The following GBP2 variants were observed in gnomAD, a reference collection of about 807,000 sequenced individuals.
The protein encoded by GBP2 is guanylate binding protein 2, also known as guanylate-binding protein 2.
In GBP2, 54 loss-of-function variants were observed where a neutral mutation model predicts 60.8. That is an observed-to-expected ratio of 0.89 (90% CI 0.71 to 1.11). GBP2 has a LOEUF of 1.11. Ranked by LOEUF, GBP2 falls within the 50% of genes most tolerant of loss-of-function variation. GBP2 has a pLI of 0.00. For synonymous variants in GBP2, 243 were observed against 256.5 expected, an observed-to-expected ratio of 0.95 and a Z score of 0.50; for missense variants, 665 against 703.3, an observed-to-expected ratio of 0.95 and a Z score of 0.62.
intron 8 of GBP2, among the ~76,000 whole-genome samples, chr1:89,111,543 C>T (rs1681165423): frequency 6.7e-6 from 1 of 148,234 alleles, no homozygotes; most frequent in South Asian, 2.1e-4. Context: ...TGCATGTTCT[C>T]ACTTATTTGT....
intron 7 of GBP2, 103 bp from the exon 8 acceptor site, chr1:89,112,787 C>T: frequency 1.2e-6 from 1 of 818,654 alleles, no homozygotes; most frequent in Non-Finnish European, 2.0e-6. Context: ...TTGTGGCCCT[C>T]TAAATAGGGC....
chr1:89,119,985 A>G, intron 4 of GBP2, 194 bp downstream of exon 4: 1 of 554,870 alleles, frequency 1.8e-6, no homozygotes, highest in African/African-American at 1.9e-5. Flanking sequence ...TGAGTATCTA[A>G]CGAGACATGT....
At position 89,112,437 on chromosome 1, in the gene GBP2, G is replaced by A. The variant is rs766287886; in HGVS notation, c.1362+35C>T. On this transcript the variant is annotated intron_variant, in intron 8 of 10. Transcript: ENST00000370466. Reference sequence around the variant, plus strand: ...TGGGCTTTAAAAGCATCCCCTCAGCGAGTCCCAAGAAATGGTACCCACCGT... The same window carrying A: ...TGGGCTTTAAAAGCATCCCCTCAGCAAGTCCCAAGAAATGGTACCCACCGT... 83 of 1,578,440 alleles carry A rather than the reference G, an allele frequency of 5.3e-5. No individual in the cohort carries two copies. The South Asian group carries it at 7.0e-4, about 13-fold the overall frequency.
At position 89,110,257 on chromosome 1, in the gene GBP2, C is replaced by T; in HGVS notation, c.1372G>A (p.Val458Met). ...VPRKGIQAKEVLKKYLESKED... is the reference protein window; with the variant it reads ...VPRKGIQAKEMLKKYLESKED... The stretch of plus-strand genomic sequence containing the variant: ...TTGGACTCCAAATATTTTTTCAGCA[C>T]CTCTTTGGCCTGGTTATACAGAGAA... Residue 458 changes from valine (V) to methionine (M), a missense_variant, in exon 9 of 11, where the codon GTG becomes ATG. Physicochemically the swap from Val to Met is conservative, Grantham distance 21. Transcript: ENST00000370466. The T allele has an allele frequency of 1.9e-6, 3 of 1,612,580 alleles. No individual in the cohort carries two copies. The highest frequency in any genetic ancestry group is 2.5e-6 in the Non-Finnish European group (3 of 1,178,854).
At position 89,107,835 on chromosome 1, in the gene GBP2, A is replaced by C. The variant is rs1052035746; in HGVS notation, c.*340T>G. On this transcript the variant is annotated 3_prime_UTR_variant, in exon 11 of 11. Coordinates refer to ENST00000370466, the MANE Select transcript of GBP2 (RefSeq NM_004120.5). ...AAGGGTGGTGCATATGAGAGAAAAA[A>C]ATCTACCCAGAACAGAAACTGCAAG... Among the ~76,000 whole-genome samples, 1 of 152,204 alleles carries C rather than the reference A, an allele frequency of 6.6e-6. No individual in the cohort carries two copies. The highest frequency in any genetic ancestry group is 1.5e-5 in the Non-Finnish European group (1 of 68,024).
chr1:89,114,940 T>C (rs1364866158), intron 6 of GBP2, among the ~76,000 whole-genome samples: 1 of 152,230 alleles, frequency 6.6e-6, no homozygotes, highest in Non-Finnish European at 1.5e-5. Context: ...TGGTGTATTT[T>C]GTTTCCTGCT....
Position 89,114,192 on chromosome 1 carries a change from C to T in GBP2, c.973G>A (p.Ala325Thr), listed in dbSNP as rs749600192. ...TAGTGGGCAATAGCCTTTTCCACTG[C>T]GGCTGAGTTCTCTATCTGGGCCAAG... is the stretch of plus-strand genomic sequence containing the variant. ...LALAQIENSA[A>T]VEKAIAHYEQ... The change falls in exon 7 of 11, where the codon GCA (alanine) becomes ACA (threonine). Residue 325 changes from alanine to threonine, a missense_variant. Coordinates refer to ENST00000370466, the MANE Select transcript of GBP2 (RefSeq NM_004120.5). The T allele has an allele frequency of 1.5e-5, 25 of 1,614,118 alleles. No individual in the cohort carries two copies. Among genetic ancestry groups the T allele is most frequent in the Admixed American group, 1.0e-4 (6 of 60,008 alleles).
rs577797863 is a variant in GBP2 at position 89,114,254 on chromosome 1, C to A, written c.911G>T (p.Ser304Ile). ...LVLTYVNAIS[S>I]GDLPCMENAV... ...GTTCTCCATGCAGGGTAGATCCCCA[C>A]TGCTGATGGCATTGACGTAGGTCAG... The change falls in exon 7 of 11, where the codon AGT (serine) becomes ATT (isoleucine). Residue 304 changes from serine to isoleucine, a missense_variant. Physicochemically the swap from Ser to Ile is moderately radical, Grantham distance 142. Coordinates refer to ENST00000370466, the MANE Select transcript of GBP2 (RefSeq NM_004120.5). 1 of 1,614,244 alleles carries A rather than the reference C, an allele frequency of 6.2e-7. No individual in the cohort carries two copies.
rs113333085 is a variant in GBP2, at chr1:89,108,081, G to A, written c.*94C>T. The A allele has an allele frequency of 3.9e-3, 2,733 of 701,918 alleles. 66 individuals carry two copies. In the African/African-American group the frequency reaches 0.042, roughly 11 times the overall value. 43.5% of individuals were successfully genotyped at this position (701,918 alleles called of 1,614,324 possible). A position where few individuals can be genotyped will look rare whatever the true frequency, so the allele number is the denominator to read the frequency against. The stretch of plus-strand genomic sequence containing the variant: ...TGCATGCATCATGATTTTGAGTTAA[G>A]TTTAATGGCAGTTGTTTGACACTCT... On this transcript the variant is annotated 3_prime_UTR_variant, in exon 11 of 11. Coordinates refer to ENST00000370466, the MANE Select transcript of GBP2 (RefSeq NM_004120.5).
Position 89,108,320 on chromosome 1 carries a change from T to G in GBP2, c.1660-29A>C, listed in dbSNP as rs374471283. 33 of 1,404,392 alleles carry G rather than the reference T, an allele frequency of 2.3e-5. No homozygotes were observed. In the African/African-American group the frequency reaches 4.4e-4, roughly 19 times the overall value. The allele number at this position is 1,404,392 out of a possible 1,614,324, so 87.0% of individuals were successfully genotyped here. ...AAAGGGAAAGTGGAGACTAAGCCTATCCAGCTTAACACATTTCCACCAGAT... is the reference window on the plus strand; with the variant it reads ...AAAGGGAAAGTGGAGACTAAGCCTAGCCAGCTTAACACATTTCCACCAGAT... On this transcript the variant is annotated intron_variant, in intron 10 of 10. Coordinates refer to ENST00000370466, the MANE Select transcript of GBP2 (RefSeq NM_004120.5).
chr1:89,117,174 G>A lies in GBP2; in HGVS notation c.686C>T (p.Pro229Leu). The A allele has an allele frequency of 6.2e-7, 1 of 1,614,022 alleles. No individual in the cohort carries two copies. Among genetic ancestry groups the A allele is most frequent in the East Asian group, 2.2e-5 (1 of 44,874 alleles). ...ATCGAAGACGAAGCACTTCCTCTTGGGGAAGAACTTTCGGATGCACAACCG... is the reference window on the plus strand; with the variant it reads ...ATCGAAGACGAAGCACTTCCTCTTGAGGAAGAACTTTCGGATGCACAACCG... ...DPRLCIRKFF[P>L]KRKCFVFDWP... Residue 229 changes from proline to leucine, a missense_variant, in exon 6 of 11, where the codon CCC becomes CTC. Transcript: ENST00000370466.
At chr1:89,112,737 T>A in intron 7 of GBP2, 53 bp from the exon 8 acceptor site, 1 of 1,442,680 alleles carries the variant, frequency 6.9e-7, no homozygotes, top group Non-Finnish European at 9.8e-7. Context: ...GAGGAGGATG[T>A]TAACTATGTG....
Position 89,117,005 on chromosome 1 carries a change from T to G in GBP2, c.855A>C (p.Pro285=). The G allele has an allele frequency of 4.3e-6, 7 of 1,614,016 alleles. No homozygotes were observed. The highest frequency in any genetic ancestry group is 5.9e-6 in the Non-Finnish European group (7 of 1,179,912). ...SNVKTLSGGI[P]VNGPRLESLV... is the part of the protein sequence containing the mutation. ...AGAGTGACTCACGAGGCCCATTGAC[T>G]GGAATGCCACCTGAAAGAGTCTTGA... The change falls in exon 6 of 11, where the codon CCA becomes CCC. Residue 285 remains proline, a synonymous_variant. Coordinates refer to ENST00000370466, the MANE Select transcript of GBP2 (RefSeq NM_004120.5).
rs1365161299 is a variant in GBP2 at position 89,107,174 on chromosome 1, A to C, written c.*1001T>G. 6.6e-6 allele frequency: 1 copy of C among 152,126 alleles called. No homozygotes were observed. The highest frequency in any genetic ancestry group is 2.4e-5 in the African/African-American group (1 of 41,428). The allele number at this position is 152,126 out of a possible 1,614,324, so 9.4% of individuals were successfully genotyped here. ...TTGTAGTAGGATAATGTTTTGTATT[A>C]ATGAATTATTCTTGATTTTTCAATC... On this transcript the variant is annotated 3_prime_UTR_variant, in exon 11 of 11. Coordinates refer to ENST00000370466, the MANE Select transcript of GBP2 (RefSeq NM_004120.5).
chr1:89,123,233 G>A (rs1323927832), intron 1 of GBP2, among the ~76,000 whole-genome samples: 3 of 152,118 alleles, frequency 2.0e-5, no homozygotes, highest in African/African-American at 7.2e-5. Context: ...TGCTTTCATT[G>A]GATAATGGTA....
intron 1 of GBP2, among the ~76,000 whole-genome samples, chr1:89,125,283 T>C (rs1681497100): frequency 6.6e-6 from 1 of 152,244 alleles, no homozygotes; most frequent in Admixed American, 6.5e-5. Context: ...TATCTAATTA[T>C]CTGTTTCCCA....
At chr1:89,125,082 C>CA (rs1681493803) in intron 1 of GBP2, among the ~76,000 whole-genome samples, 1 of 152,162 alleles carries the variant, frequency 6.6e-6, no homozygotes, top group Non-Finnish European at 1.5e-5. Context: ...CCTGTAGTAA[C>CA]ATCTTAATTT....
chr1:89,120,194 G>A lies in GBP2; in HGVS notation c.413C>T (p.Ala138Val), dbSNP rs554625722. Residue 138 changes from alanine (A) to valine (V), a missense_variant, in exon 4 of 11, where the codon GCC becomes GTC. By Grantham distance (64) the Ala-to-Val change is moderately conservative. Coordinates refer to ENST00000370466, the MANE Select transcript of GBP2 (RefSeq NM_004120.5). ...AAAAGGATACTGAAGTTGGTCCATG[G>A]CCTGCTGGTTGATGGTTCCCATGCT... Reference protein sequence around the residue: ...YNSMGTINQQAMDQLHYVTEL... With the variant: ...YNSMGTINQQVMDQLHYVTEL... 2.5e-6 allele frequency: 4 copies of A among 1,613,674 alleles called. No individual in the cohort carries two copies. The highest frequency in any genetic ancestry group is 2.7e-5 in the African/African-American group (2 of 75,010).
chr1:89,109,991 C>T, intron 9 of GBP2, 121 bp from the exon 10 acceptor site: 1 of 1,080,386 alleles, frequency 9.3e-7, no homozygotes, highest in Non-Finnish European at 1.3e-6. Flanking sequence ...TGTAATTTTG[C>T]CTTGGGTAAC....
Sources: allele counts gnomAD v4.1 joint callset (sites outside exome capture counted in the v4.1 genomes callset), GRCh38; gene constraint gnomAD v4.1.1; transcripts MANE v1.5; gene names NCBI Gene and HGNC (gene_info 2026-07-23, HGNC 2026-07-21).